DTNA: variants seen among roughly 807,000 people sequenced by gnomAD.
DTNA encodes dystrobrevin alpha.
A neutral mutation model predicts 100.7 loss-of-function variants in DTNA; 43 were observed. The ratio of observed to expected loss-of-function variants is 0.43; its 90% confidence interval spans 0.33 to 0.55. The LOEUF (loss-of-function observed/expected upper bound fraction) is 0.55, where lower values mean the gene tolerates loss of function less well. Ranked by LOEUF, DTNA falls within the 20% of genes least tolerant of loss-of-function variation. DTNA has a pLI of 0.04. For synonymous variants in DTNA, 349 were observed against 347.9 expected, an observed-to-expected ratio of 1.00 and a Z score of -0.04; for missense variants, 798 against 953.9, an observed-to-expected ratio of 0.84 and a Z score of 2.15.
rs529794976 is a variant in DTNA at position 34,752,659 on chromosome 18, A to G, written c.-1-3317A>G. 1.1e-4 allele frequency among the ~76,000 whole-genome samples: 16 copies of G among 152,312 alleles called. No homozygotes were observed. In the South Asian group the frequency reaches 2.9e-3, roughly 28 times the overall value. On this transcript the variant is annotated intron_variant, in intron 1 of 22. Coordinates refer to ENST00000444659, the MANE Select transcript of DTNA (RefSeq NM_001386795.1). ...ATGAGAAGTGTGTTATTTTTCTCTT[A>G]TATTTATAATTATATTCTGTGCCTT...
chr18:34,518,593 A>G (rs1393974348), intron 1 of DTNA, among the ~76,000 whole-genome samples: 4 of 151,234 alleles, frequency 2.6e-5, no homozygotes, highest in Non-Finnish European at 5.9e-5. Flanking sequence ...TAATTTTTGT[A>G]TAAGGTCTGA....
intron 1 of DTNA, among the ~76,000 whole-genome samples, chr18:34,635,118 A>G (rs1364692268): frequency 1.3e-5 from 2 of 152,048 alleles, no homozygotes; most frequent in African/African-American, 4.8e-5. Flanking sequence ...ATCATGTGGT[A>G]TTTGTCTCTC....
chr18:34,494,262 C>T (rs1004087511), intron 1 of DTNA, among the ~76,000 whole-genome samples: 2 of 151,772 alleles, frequency 1.3e-5, no homozygotes, highest in Admixed American at 6.6e-5. Flanking sequence ...ACTGGGACAT[C>T]CGCGTTGGGT....
chr18:34,618,278 C>T (rs2055747230), intron 1 of DTNA, among the ~76,000 whole-genome samples: 1 of 152,122 alleles, frequency 6.6e-6, no homozygotes, highest in Non-Finnish European at 1.5e-5. Flanking sequence ...CCTAAAGTAT[C>T]TCATTTTATG....
chr18:34,600,906 C>G (rs2051673166), intron 1 of DTNA, among the ~76,000 whole-genome samples: 1 of 152,230 alleles, frequency 6.6e-6, no homozygotes, highest in Non-Finnish European at 1.5e-5. Context: ...GCTGTTTTCA[C>G]CTGGAAATGA....
rs111331236 is a variant in DTNA at position 34,864,533 on chromosome 18, G to T, written c.1743+471G>T. On this transcript the variant is annotated intron_variant, in intron 17 of 22. Coordinates refer to ENST00000444659, the MANE Select transcript of DTNA (RefSeq NM_001386795.1). ...CTCCCAAAGTGCTGGGATTACAGGC[G>T]TGAGCCACCGCGCCCGGCCTAGAAC... 7.0e-3 allele frequency among the ~76,000 whole-genome samples: 1,066 copies of T among 151,700 alleles called. 18 individuals are homozygous for T. Among genetic ancestry groups the T allele is most frequent in the African/African-American group, 0.025 (1,017 of 41,374 alleles).
intron 15 of DTNA, among the ~76,000 whole-genome samples, chr18:34,855,385 A>G (rs1480099424): frequency 6.6e-6 from 1 of 152,206 alleles, no homozygotes; most frequent in East Asian, 1.9e-4. Flanking sequence ...AGTGATGAGG[A>G]ACTATGTTAG....
intron 1 of DTNA, among the ~76,000 whole-genome samples, chr18:34,602,220 G>A (rs919245799): frequency 2.6e-5 from 4 of 152,158 alleles, no homozygotes; most frequent in African/African-American, 9.7e-5. Context: ...AAATTTTTAA[G>A]CCAATATTTT....
At chr18:34,809,241 A>C (rs62097227) in intron 5 of DTNA, among the ~76,000 whole-genome samples, 1 of 152,134 alleles carries the variant, frequency 6.6e-6, no homozygotes, top group Non-Finnish European at 1.5e-5. Context: ...CCCCTTGGTG[A>C]GTGGGATTGT....
At chr18:34,710,035 A>G (rs902566012), upstream of DTNA, among the ~76,000 whole-genome samples, 1 of 152,132 alleles carries the variant, frequency 6.6e-6, no homozygotes, top group South Asian at 2.1e-4. Context: ...ATGCATAGAG[A>G]TATTTCATTA....
chr18:34,875,210 C>A (rs772631021), intron 17 of DTNA, 29 bp from the exon 18 acceptor site: 11 of 1,609,990 alleles, frequency 6.8e-6, no homozygotes, highest in Non-Finnish European at 9.3e-6. Context: ...CTTGGGAAAG[C>A]AAATTAATGA....
chr18:34,754,493 G>A (rs531672349), intron 1 of DTNA, among the ~76,000 whole-genome samples: 16 of 152,220 alleles, frequency 1.1e-4, no homozygotes, highest in Admixed American at 5.9e-4. Context: ...AGAGGACAGC[G>A]TGGTCCTGGC....
chr18:34,648,008 A>G (rs545883234), intron 1 of DTNA, among the ~76,000 whole-genome samples: 21 of 152,364 alleles, frequency 1.4e-4, no homozygotes, highest in African/African-American at 5.0e-4. Flanking sequence ...TTCTGAGGAA[A>G]TAATATTGAC....
At chr18:34,863,873 T>A in intron 16 of DTNA, 93 bp from the exon 17 acceptor site, 2 of 1,296,638 alleles carry the variant, frequency 1.5e-6, no homozygotes, top group Non-Finnish European at 2.2e-6. Flanking sequence ...AGAGATGCCC[T>A]TTTTCTGACA....
At chr18:34,826,446 C>A (rs1274484552) in intron 9 of DTNA, among the ~76,000 whole-genome samples, 1 of 152,106 alleles carries the variant, frequency 6.6e-6, no homozygotes, top group Non-Finnish European at 1.5e-5. Context: ...TGCAGAGCTT[C>A]AGGTCCATTC....
intron 16 of DTNA, among the ~76,000 whole-genome samples, chr18:34,861,113 A>C (rs578076672): frequency 6.6e-6 from 1 of 152,310 alleles, no homozygotes; most frequent in South Asian, 2.1e-4. Flanking sequence ...AATTCGGGAA[A>C]GTTAATGTTG....
intron 1 of DTNA, among the ~76,000 whole-genome samples, chr18:34,628,903 A>G (rs1320511046): frequency 6.6e-6 from 1 of 152,170 alleles, no homozygotes; most frequent in African/African-American, 2.4e-5. Flanking sequence ...TAACTGAAAT[A>G]ATGTTAATAA....
intron 1 of DTNA, among the ~76,000 whole-genome samples, chr18:34,630,137 A>G (rs2148078481): frequency 6.6e-6 from 1 of 152,268 alleles, no homozygotes; most frequent in South Asian, 2.1e-4. Flanking sequence ...TGAAGAGTTC[A>G]GAAGCCAGTA....
At chr18:34,589,935 AGGATCTCTTTTTTGGG>A (rs1403234043) in intron 1 of DTNA, among the ~76,000 whole-genome samples, 322 of 123,886 alleles carry the variant, frequency 2.6e-3, no homozygotes, top group African/African-American at 0.011. Flanking sequence ...GGCAAATGGC[AGGATCTCTTTTTTGGG>A]GGCTGGATAA....
Sources: allele counts gnomAD v4.1 joint callset (sites outside exome capture counted in the v4.1 genomes callset), GRCh38; gene constraint gnomAD v4.1.1; transcripts MANE v1.5; gene names NCBI Gene and HGNC (gene_info 2026-07-23, HGNC 2026-07-21).